Variants in ZNF532 observed in about 807,000 individuals in gnomAD.
ZNF532 encodes zinc finger protein 532.
In ZNF532, 22 loss-of-function variants were observed where a neutral mutation model predicts 89.3. The ratio of observed to expected loss-of-function variants is 0.25; its 90% CI spans 0.18 to 0.35. The LOEUF is 0.35. ZNF532 is among the 10% of genes least tolerant of loss of function. The pLI is 1.00. For synonymous variants in ZNF532, 606 were observed against 649.6 expected, an observed-to-expected ratio of 0.93 and a Z score of 1.02; for missense variants, 1,132 against 1,643.4, an observed-to-expected ratio of 0.69 and a Z score of 5.38.
intron 2 of ZNF532, among the ~76,000 whole-genome samples, chr18:58,898,811 C>T (rs1014029957): frequency 2.0e-5 from 3 of 152,246 alleles, no homozygotes; most frequent in Non-Finnish European, 2.9e-5. Flanking sequence ...CCCACTTTTT[C>T]TCTGGTACCC....
intron 2 of ZNF532, among the ~76,000 whole-genome samples, chr18:58,901,757 A>T (rs1421252452): frequency 2.0e-5 from 3 of 152,144 alleles, no homozygotes; most frequent in African/African-American, 7.2e-5. Flanking sequence ...CTGGCCTCTT[A>T]TCATCCTGGC....
chr18:58,928,438 A>G (rs1184471314), intron 3 of ZNF532, among the ~76,000 whole-genome samples: 2 of 152,204 alleles, frequency 1.3e-5, no homozygotes, highest in Non-Finnish European at 2.9e-5. Flanking sequence ...CCCCAAGAGC[A>G]GGTCTCTGGT....
intron 4 of ZNF532, among the ~76,000 whole-genome samples, chr18:58,934,913 T>C (rs915024598): frequency 6.6e-6 from 1 of 152,210 alleles, no homozygotes; most frequent in Non-Finnish European, 1.5e-5. Flanking sequence ...AGCAGACTTT[T>C]GTTATCATAC....
intron 2 of ZNF532, among the ~76,000 whole-genome samples, chr18:58,907,235 G>A (rs983509468): frequency 6.6e-6 from 1 of 152,176 alleles, no homozygotes; most frequent in African/African-American, 2.4e-5. Flanking sequence ...GCCCAGGCTA[G>A]GGTGCAGTGG....
At chr18:58,896,357 C>T (rs1490899585) in intron 2 of ZNF532, 2 of 152,058 alleles carry the variant, frequency 1.3e-5, no homozygotes, top group Non-Finnish European at 2.9e-5. Flanking sequence ...ATAACTCTCC[C>T]TTCTCACCTT....
At chr18:58,977,420 C>A (rs1008902048) in intron 7 of ZNF532, 2 of 152,138 alleles carry the variant, frequency 1.3e-5, no homozygotes, top group African/African-American at 2.4e-5. Context: ...TTCACCAGGT[C>A]CTGTGATTCA....
chr18:58,951,417 A>T (rs906224763), intron 6 of ZNF532, among the ~76,000 whole-genome samples: 2 of 152,206 alleles, frequency 1.3e-5, no homozygotes, highest in African/African-American at 4.8e-5. Flanking sequence ...AAACTTATGA[A>T]AAGTTGCTAG....
chr18:58,895,658 G>A (rs1353904719), intron 2 of ZNF532, among the ~76,000 whole-genome samples: 2 of 152,134 alleles, frequency 1.3e-5, no homozygotes, highest in South Asian at 4.1e-4. Flanking sequence ...AGCTTGAAAT[G>A]TATCCCAGTG....
At chr18:58,976,163 T>A (rs533505027) in intron 7 of ZNF532, among the ~76,000 whole-genome samples, 1 of 152,218 alleles carries the variant, frequency 6.6e-6, no homozygotes, top group Non-Finnish European at 1.5e-5. Context: ...GTTTTAAACC[T>A]CATTTTCTTG....
At chr18:58,961,434 C>T (rs899125812) in intron 7 of ZNF532, among the ~76,000 whole-genome samples, 6 of 152,134 alleles carry the variant, frequency 3.9e-5, no homozygotes, top group Admixed American at 3.9e-4. Flanking sequence ...TTCTTTCAGC[C>T]CCATTGTCTC....
chr18:58,933,044 G>A (rs2062089733), intron 3 of ZNF532, among the ~76,000 whole-genome samples: 1 of 152,140 alleles, frequency 6.6e-6, no homozygotes. Flanking sequence ...GTAGATAGAA[G>A]ACTTTAGTTC....
At chr18:58,911,963 A>C (rs1481017434) in intron 2 of ZNF532, among the ~76,000 whole-genome samples, 2 of 152,100 alleles carry the variant, frequency 1.3e-5, no homozygotes, top group Non-Finnish European at 2.9e-5. Flanking sequence ...GCTTTCAGAG[A>C]AGGCTGAGGT....
chr18:58,878,892 G>T (rs1292843509), intron 2 of ZNF532, among the ~76,000 whole-genome samples: 1 of 152,188 alleles, frequency 6.6e-6, no homozygotes, highest in East Asian at 1.9e-4. Flanking sequence ...TGTCTCTTTT[G>T]CTTCCCCCTT....
intron 2 of ZNF532, among the ~76,000 whole-genome samples, chr18:58,895,949 T>C (rs1430264387): frequency 1.3e-5 from 2 of 151,814 alleles, no homozygotes; most frequent in Non-Finnish European, 2.9e-5. Flanking sequence ...GCTCCTGGCC[T>C]CAAACGGTCC....
intron 5 of ZNF532, among the ~76,000 whole-genome samples, chr18:58,940,954 A>ACACACACACACT: frequency 7.1e-6 from 1 of 141,262 alleles, no homozygotes; most frequent in South Asian, 2.3e-4. Context: ...ACACACACAC[A>ACACACACACACT]CACACTCTTT....
At chr18:58,875,931 CTTTTT>C (rs71173091) in intron 2 of ZNF532, among the ~76,000 whole-genome samples, 1 of 112,862 alleles carries the variant, frequency 8.9e-6, no homozygotes, top group African/African-American at 3.5e-5. Context: ...ACTTGGGGAT[CTTTTT>C]TTTTTTTTTT....
intron 2 of ZNF532, among the ~76,000 whole-genome samples, chr18:58,877,443 T>C (rs2057521934): frequency 6.6e-6 from 1 of 152,216 alleles, no homozygotes. Context: ...AGTGGGTTTA[T>C]TTTACTTTGG....
upstream of ZNF532, chr18:58,864,661 G>A (rs1018249144): frequency 4.6e-5 from 7 of 152,378 alleles, no homozygotes; most frequent in Admixed American, 2.0e-4. Flanking sequence ...TGTGCTCGTG[G>A]GGTGGGGGGA....
upstream of ZNF532, chr18:58,863,728 C>G (rs912488784): frequency 2.0e-5 from 3 of 151,314 alleles, no homozygotes; most frequent in Admixed American, 2.0e-4. Context: ...TTGACCGCCG[C>G]GAAGGCCAAC....
Sources: gnomAD v4.1 joint callset for allele counts (sites outside exome capture counted in the v4.1 genomes callset) on GRCh38, gnomAD v4.1.1 for gene constraint, MANE v1.5 for transcripts, NCBI Gene and HGNC (gene_info 2026-07-23, HGNC 2026-07-21) for gene names.